KCNJ6: variants seen among roughly 807,000 people sequenced by gnomAD.
The protein encoded by KCNJ6 is potassium inwardly rectifying channel subfamily J member 6, also known as G protein-activated inward rectifier potassium channel 2.
In KCNJ6, 9 loss-of-function variants were observed where a neutral mutation model predicts 34.2. The ratio of observed to expected loss-of-function variants is 0.26; its 90% confidence interval spans 0.16 to 0.46. The LOEUF is 0.46. Among genes scored for constraint, KCNJ6 ranks in the 20% least tolerant of loss-of-function variants. The probability of loss-of-function intolerance (pLI) is 1.00; values close to 1 mark genes in which losing one functional copy is unlikely to be tolerated. For synonymous variants in KCNJ6, 196 were observed against 207.1 expected (o/e 0.95, Z 0.46); for missense variants, 236 against 531.3 (o/e 0.44, Z 5.46).
chr21:37,850,085 G>C (rs1390343874), intron 1 of KCNJ6, among the ~76,000 whole-genome samples: 1 of 152,196 alleles, frequency 6.6e-6, no homozygotes, highest in Non-Finnish European at 1.5e-5. Flanking sequence ...ACCTGTAAGA[G>C]CTCTTCTAAA....
chr21:37,897,441 A>G (rs1268601025), intron 1 of KCNJ6, among the ~76,000 whole-genome samples: 1 of 152,176 alleles, frequency 6.6e-6, no homozygotes, highest in Non-Finnish European at 1.5e-5. Context: ...ATGACCCACC[A>G]CACAACACTT....
intron 3 of KCNJ6, among the ~76,000 whole-genome samples, chr21:37,706,568 G>A (rs1415184180): frequency 2.7e-5 from 4 of 149,396 alleles, no homozygotes; most frequent in Non-Finnish European, 4.4e-5. Flanking sequence ...AAACAGCTGC[G>A]GCTGCCATGT....
intron 2 of KCNJ6, among the ~76,000 whole-genome samples, chr21:37,800,943 A>G (rs2055266233): frequency 6.6e-6 from 1 of 152,206 alleles, no homozygotes; most frequent in Non-Finnish European, 1.5e-5. Context: ...ACTACAGGGA[A>G]CTGGATGCCT....
intron 3 of KCNJ6, among the ~76,000 whole-genome samples, chr21:37,655,178 TTTG>T (rs1167894380): frequency 0.047 from 3,631 of 78,060 alleles, 150 homozygotes; most frequent in African/African-American, 0.12. Flanking sequence ...ACTCTAGACA[TTTG>T]TGTGTGTGTG....
intron 1 of KCNJ6, among the ~76,000 whole-genome samples, chr21:37,866,111 T>C (rs1289431787): frequency 6.6e-6 from 1 of 152,188 alleles, no homozygotes; most frequent in Admixed American, 6.5e-5. Flanking sequence ...CCTGACTCAA[T>C]TAGGCAAAGT....
chr21:37,875,336 G>A (rs575656068), intron 1 of KCNJ6, among the ~76,000 whole-genome samples: 1 of 152,306 alleles, frequency 6.6e-6, no homozygotes, highest in South Asian at 2.1e-4. Context: ...ACAGTGCTTA[G>A]CGGGGAGCCT....
intron 2 of KCNJ6, among the ~76,000 whole-genome samples, chr21:37,777,700 G>A (rs1476205400): frequency 6.6e-6 from 1 of 152,150 alleles, no homozygotes; most frequent in Non-Finnish European, 1.5e-5. Context: ...CAACATATCA[G>A]GCGTCACTTC....
intron 2 of KCNJ6, among the ~76,000 whole-genome samples, chr21:37,724,788 G>C (rs1171734160): frequency 2.0e-5 from 3 of 152,134 alleles, no homozygotes; most frequent in Non-Finnish European, 2.9e-5. Context: ...CATTTCTCAA[G>C]GGCATTATTC....
chr21:37,641,799 G>C (rs1218369296), intron 3 of KCNJ6, among the ~76,000 whole-genome samples: 1 of 152,176 alleles, frequency 6.6e-6, no homozygotes, highest in Admixed American at 6.5e-5. Flanking sequence ...CAGATGTGGG[G>C]GAAATAGAAA....
intron 1 of KCNJ6, among the ~76,000 whole-genome samples, chr21:37,887,084 G>C (rs2055739696): frequency 6.6e-6 from 1 of 152,030 alleles, no homozygotes; most frequent in Non-Finnish European, 1.5e-5. Flanking sequence ...GAGCCTGCTT[G>C]GGAAGCTCAG....
intron 3 of KCNJ6, among the ~76,000 whole-genome samples, chr21:37,699,110 T>C (rs1279198340): frequency 1.3e-5 from 2 of 152,238 alleles, no homozygotes; most frequent in Non-Finnish European, 2.9e-5. Flanking sequence ...AGTTGAGCTG[T>C]TGTGACGGAG....
chr21:37,745,491 T>C (rs1206838869), intron 2 of KCNJ6, among the ~76,000 whole-genome samples: 1 of 152,008 alleles, frequency 6.6e-6, no homozygotes, highest in Non-Finnish European at 1.5e-5. Flanking sequence ...CTGTAGAATC[T>C]GGGAAAGGAA....
chr21:37,901,589 T>G (rs1441217540), intron 1 of KCNJ6, among the ~76,000 whole-genome samples: 2 of 152,242 alleles, frequency 1.3e-5, no homozygotes, highest in Non-Finnish European at 2.9e-5. Context: ...TTTGAATTAT[T>G]TGGATAATTG....
intron 3 of KCNJ6, among the ~76,000 whole-genome samples, chr21:37,651,692 G>A (rs547125067): frequency 6.6e-6 from 1 of 152,334 alleles, no homozygotes; most frequent in South Asian, 2.1e-4. Context: ...CAGTGGAGCT[G>A]TACACCAACA....
intron 1 of KCNJ6, among the ~76,000 whole-genome samples, chr21:37,895,396 T>C (rs2055782890): frequency 6.6e-6 from 1 of 152,212 alleles, no homozygotes. Flanking sequence ...CTGCTCCTAG[T>C]GGGAGAAGTA....
intron 2 of KCNJ6, among the ~76,000 whole-genome samples, chr21:37,749,906 C>T (rs2054986576): frequency 1.3e-5 from 2 of 152,312 alleles, no homozygotes; most frequent in Admixed American, 1.3e-4. Flanking sequence ...CTGCCTTGCA[C>T]CGTCGCCAAG....
chr21:37,796,815 C>T (rs1181572252), intron 2 of KCNJ6, among the ~76,000 whole-genome samples: 10 of 100,230 alleles, frequency 1.0e-4, no homozygotes, highest in African/African-American at 1.6e-4. Flanking sequence ...GAGACGGAGT[C>T]TTGCTCTGTC....
At chr21:37,649,660 G>A (rs956412871) in intron 3 of KCNJ6, among the ~76,000 whole-genome samples, 1 of 152,218 alleles carries the variant, frequency 6.6e-6, no homozygotes, top group Non-Finnish European at 1.5e-5. Flanking sequence ...ACCAGCCTGG[G>A]TTCTGATCTA....
chr21:37,716,353 A>AT (rs1009263925), intron 2 of KCNJ6, among the ~76,000 whole-genome samples: 2 of 141,654 alleles, frequency 1.4e-5, no homozygotes, highest in South Asian at 2.3e-4. Flanking sequence ...GCTTGTGGTT[A>AT]TTTTTTTTCT....
Sources: allele counts gnomAD v4.1 joint callset (sites outside exome capture counted in the v4.1 genomes callset), GRCh38; gene constraint gnomAD v4.1.1; transcripts MANE v1.5; gene names NCBI Gene and HGNC (gene_info 2026-07-23, HGNC 2026-07-21).